The following TJP2 variants were observed in gnomAD, a reference collection of about 807,000 sequenced individuals.
TJP2 encodes Friedreich ataxia region gene X104 (tight junction protein ZO-2).
TJP2 carries 91 observed loss-of-function variants against 133.1 expected under a neutral mutation model. That is an observed-to-expected ratio of 0.68 (90% confidence interval 0.58 to 0.81). TJP2 has a LOEUF of 0.81. Among genes scored for constraint, TJP2 ranks in the 40% least tolerant of loss-of-function variants. TJP2 has a pLI of 0.00. For missense variants in TJP2, 1,541 were observed against 1,565.6 expected (o/e 0.98, Z 0.26); for synonymous variants, 592 against 583.4 (o/e 1.01, Z -0.21).
intron 17 of TJP2, among the ~76,000 whole-genome samples, chr9:69,240,916 A>G (rs1472326661): frequency 6.6e-6 from 1 of 152,194 alleles, no homozygotes; most frequent in Non-Finnish European, 1.5e-5. Flanking sequence ...TTTTAAAAAC[A>G]AAGTTCTTTG....
chr9:69,156,136 T>G (rs1327053209), intron 2 of TJP2, among the ~76,000 whole-genome samples: 1 of 152,130 alleles, frequency 6.6e-6, no homozygotes, highest in African/African-American at 2.4e-5. Context: ...AGGCCCAGGC[T>G]GGAAGATCGC....
chr9:69,124,974 T>C lies in TJP2; in HGVS notation c.-131+3249T>C, dbSNP rs187228454. Among the ~76,000 whole-genome samples the C allele has an allele frequency of 3.2e-3, 248 of 76,746 alleles. 88 individuals are homozygous for C. The highest frequency in any genetic ancestry group is 9.5e-3 in the African/African-American group (239 of 25,134). 50.3% of individuals were successfully genotyped at this position (76,746 alleles called of 152,430 possible). ...AACTCTTTTTTTGTTGTTGTTGAGA[T>C]GGAGTTTCGCTCTTGTCACCCAGGC... On this transcript the variant is annotated intron_variant, in intron 1 of 5. Transcript: ENST00000423935.
At chr9:69,251,391 CA>C in intron 21 of TJP2, 27 bp downstream of exon 21, 1 of 1,600,316 alleles carries the variant, frequency 6.2e-7, no homozygotes, top group Non-Finnish European at 8.5e-7. Context: ...TACACATCAT[CA>C]ATAAGAGTTT....
chr9:69,243,768 A>G (rs765300694), intron 17 of TJP2, among the ~76,000 whole-genome samples: 11 of 152,190 alleles, frequency 7.2e-5, no homozygotes, highest in Non-Finnish European at 1.2e-4. Flanking sequence ...TGGGCCCCCT[A>G]GCTGGATACC....
chr9:69,161,214 A>ATGTGTGTGTGTGTGTGTGTGTGTGTG (rs111442939), intron 2 of TJP2, among the ~76,000 whole-genome samples: 4 of 148,314 alleles, frequency 2.7e-5, no homozygotes, highest in African/African-American at 9.9e-5. Context: ...GTCATCAGTG[A>ATGTGTGTGTGTGTGTGTGTGTGTGTG]TGTGTGTGTG....
chr9:69,223,214 C>T (rs964119454), intron 5 of TJP2, among the ~76,000 whole-genome samples: 2 of 152,190 alleles, frequency 1.3e-5, no homozygotes, highest in African/African-American at 4.8e-5. Flanking sequence ...TGAGTTTCTG[C>T]TCTATGCAAG....
At chr9:69,249,338 G>C in intron 19 of TJP2, 37 bp from the exon 20 acceptor site, 1 of 1,575,390 alleles carries the variant, frequency 6.3e-7, no homozygotes, top group South Asian at 1.2e-5. Flanking sequence ...TCTCTGCTTG[G>C]ATGTTCTTGT....
chr9:69,246,768 C>A lies in TJP2; in HGVS notation c.2645C>A (p.Ala882Glu), dbSNP rs1014295697. The A allele has an allele frequency of 6.2e-7, 1 of 1,614,002 alleles. No homozygotes were observed. Among genetic ancestry groups the A allele is most frequent in the South Asian group, 1.1e-5 (1 of 91,068 alleles). The change falls in exon 18 of 23, where the codon GCG (alanine) becomes GAG (glutamate). Residue 882 changes from alanine (A) to glutamate (E), a missense_variant. By Grantham distance (107) the Ala-to-Glu change is moderately radical. Transcript: ENST00000377245. ...ACTATTCAGCATCAGCAAGGAGAAG[C>A]GGTTTGGGTCTCTGAAGGAAAGGTA... ...KDTIQHQQGE[A>E]VWVSEGKMEG...
At chr9:69,149,965 C>T (rs1001341310) in intron 1 of TJP2, among the ~76,000 whole-genome samples, 17 of 152,054 alleles carry the variant, frequency 1.1e-4, no homozygotes, top group African/African-American at 3.9e-4. Flanking sequence ...GCCGGGCCAA[C>T]GTGGTGAAAC....
intron 1 of TJP2, among the ~76,000 whole-genome samples, chr9:69,138,454 T>A (rs557444853): frequency 3.8e-4 from 55 of 143,188 alleles, no homozygotes; most frequent in African/African-American, 1.2e-3. Flanking sequence ...AAGACAAAAC[T>A]GGATGAGAAC....
intron 1 of TJP2, among the ~76,000 whole-genome samples, chr9:69,138,204 G>A (rs1487923852): frequency 6.6e-6 from 1 of 152,148 alleles, no homozygotes; most frequent in Non-Finnish European, 1.5e-5. Flanking sequence ...GAGGTCCCAT[G>A]TCTTTGTTTG....
chr9:69,254,449 G>T lies in TJP2; in HGVS notation c.*75G>T, dbSNP rs762233460. 48 of 1,591,080 alleles carry T rather than the reference G, an allele frequency of 3.0e-5. No homozygotes were observed. The highest frequency in any genetic ancestry group is 4.0e-5 in the Non-Finnish European group (47 of 1,164,124). ...CCACTCCTGCCAGGCCGCCGGGATG[G>T]TTCTTCTCCAGTTAGAATGCACCAT... On this transcript the variant is annotated 3_prime_UTR_variant, in exon 23 of 23. Coordinates refer to ENST00000377245, the MANE Select transcript of TJP2 (RefSeq NM_004817.4).
intron 1 of TJP2, among the ~76,000 whole-genome samples, chr9:69,143,528 G>C (rs1205777042): frequency 6.6e-6 from 1 of 152,166 alleles, no homozygotes; most frequent in East Asian, 1.9e-4. Flanking sequence ...ACCAAGTTCA[G>C]CCTATAAAAG....
Position 69,221,411 on chromosome 9 carries a change from C to T in TJP2, c.867C>T (p.His289=), listed in dbSNP as rs749042457. The change falls in exon 5 of 23, where the codon CAC becomes CAT. Residue 289 remains histidine, a synonymous_variant. Coordinates refer to ENST00000377245, the MANE Select transcript of TJP2 (RefSeq NM_004817.4). ...SRGPRSRSRE[H]PHSRSPSPEP... is the part of the protein sequence containing the mutation. ...GACCCCGAAGCCGCAGCCGCGAGCA[C>T]CCGCACTCACGGAGCCCCAGCCCCG... The T allele has an allele frequency of 1.9e-6, 3 of 1,583,620 alleles. No homozygotes were observed. The highest frequency in any genetic ancestry group is 2.7e-5 in the African/African-American group (2 of 74,298).
chr9:69,165,483 C>T (rs1824302611), intron 2 of TJP2, among the ~76,000 whole-genome samples: 1 of 152,052 alleles, frequency 6.6e-6, no homozygotes, highest in Non-Finnish European at 1.5e-5. Flanking sequence ...AAACTGCTTT[C>T]TCTGAAGCAT....
intron 11 of TJP2, 23 bp from the exon 12 acceptor site, chr9:69,234,416 T>TTTTTTTTTTTTC: frequency 1.4e-6 from 2 of 1,469,434 alleles, no homozygotes; most frequent in South Asian, 1.2e-5. Flanking sequence ...TTTTTTTCTT[T>TTTTTTTTTTTTC]TTCTGTTTTT....
chr9:69,167,050 T>C (rs941961421), intron 2 of TJP2, among the ~76,000 whole-genome samples: 2 of 151,572 alleles, frequency 1.3e-5, no homozygotes, highest in East Asian at 3.9e-4. Context: ...CTGGCCAACA[T>C]GGTGAAACCC....
In TJP2 at chr9:69,248,447, C is replaced by T. The variant is rs11793527; in HGVS notation, c.2880+223C>T. On this transcript the variant is annotated intron_variant, in intron 19 of 22. Transcript: ENST00000377245. ...AGAAGAGCTTGAGGGGTCAGCACTC[C>T]GCACACCCATGCCCTCAGGTGCGAT... The T allele has an allele frequency of 0.078, 109,337 of 1,403,324 alleles. 4,514 individuals are homozygous for T. Among genetic ancestry groups the T allele is most frequent in the South Asian group, 0.086 (4,537 of 52,874 alleles). The allele number at this position is 1,403,324 out of a possible 1,614,324, so 86.9% of individuals were successfully genotyped here. A position where few individuals can be genotyped will look rare whatever the true frequency, so the allele number is the denominator to read the frequency against.
intron 1 of TJP2, among the ~76,000 whole-genome samples, chr9:69,209,815 T>G (rs1827729610): frequency 6.6e-6 from 1 of 152,084 alleles, no homozygotes; most frequent in Admixed American, 6.5e-5. Context: ...ATTGGAAAAT[T>G]TATTGTGCTT....
Sources: gnomAD v4.1 joint callset for allele counts (sites outside exome capture counted in the v4.1 genomes callset) on GRCh38, gnomAD v4.1.1 for gene constraint, MANE v1.5 for transcripts, NCBI Gene and HGNC (gene_info 2026-07-23, HGNC 2026-07-21) for gene names.